Variants in TUSC3 observed in about 807,000 individuals in gnomAD.
TUSC3 encodes dolichyl-diphosphooligosaccharide--protein glycosyltransferase subunit TUSC3.
A neutral mutation model predicts 44.8 loss-of-function variants in TUSC3; 45 were observed. That is an observed-to-expected ratio of 1.00 (90% CI 0.79 to 1.29). TUSC3 has a LOEUF of 1.29. TUSC3 is among the 50% of genes most tolerant of loss of function. The pLI, the probability that TUSC3 is intolerant of heterozygous loss-of-function variation, is 0.00. For synonymous variants in TUSC3, 212 were observed against 152.9 expected, an observed-to-expected ratio of 1.39 and a Z score of -2.85; for missense variants, 519 against 437.9, an observed-to-expected ratio of 1.19 and a Z score of -1.65.
intron 6 of TUSC3, among the ~76,000 whole-genome samples, chr8:15,675,991 T>C (rs1195822362): frequency 6.6e-6 from 1 of 152,136 alleles, no homozygotes; most frequent in East Asian, 1.9e-4. Flanking sequence ...CTATCTTAAG[T>C]TCTTTGAGAC....
At chr8:15,720,186 T>C (rs953154454) in intron 6 of TUSC3, among the ~76,000 whole-genome samples, 2 of 123,964 alleles carry the variant, frequency 1.6e-5, no homozygotes, top group East Asian at 2.5e-4. Flanking sequence ...TTGTTAAATA[T>C]AGTGTATATA....
At chr8:15,615,768 A>G (rs1220048671) in intron 1 of TUSC3, among the ~76,000 whole-genome samples, 2 of 152,204 alleles carry the variant, frequency 1.3e-5, no homozygotes, top group Non-Finnish European at 2.9e-5. Flanking sequence ...CTGAAAAGGA[A>G]AAAAGAAAAT....
chr8:15,487,430 C>T (rs147529554), intron 2 of TUSC3, among the ~76,000 whole-genome samples: 29 of 152,290 alleles, frequency 1.9e-4, no homozygotes, highest in African/African-American at 6.7e-4. Context: ...ATTCCGTAGC[C>T]ACAGTCACTG....
At chr8:15,595,210 A>G (rs1404377764) in intron 1 of TUSC3, among the ~76,000 whole-genome samples, 3 of 152,192 alleles carry the variant, frequency 2.0e-5, no homozygotes, top group Non-Finnish European at 4.4e-5. Context: ...ACTTTCAGAT[A>G]GATACTTTTC....
intron 3 of TUSC3, among the ~76,000 whole-genome samples, chr8:15,652,697 A>G (rs1347115249): frequency 6.6e-6 from 1 of 152,184 alleles, no homozygotes; most frequent in East Asian, 1.9e-4. Flanking sequence ...TCTCTATAGA[A>G]TCTCAGGATA....
intron 2 of TUSC3, among the ~76,000 whole-genome samples, chr8:15,638,519 T>A (rs983177893): frequency 5.4e-5 from 1 of 18,480 alleles, no homozygotes; most frequent in Non-Finnish European, 1.0e-4. Context: ...TTTTTTCTTT[T>A]TTTTTTTTTT....
In TUSC3 at chr8:15,550,109, A is replaced by C. The variant is rs143129493; in HGVS notation, c.138+9541A>C. 3.4e-3 allele frequency among the ~76,000 whole-genome samples: 518 copies of C among 151,864 alleles called. 24 individuals are homozygous for C. In the East Asian group the frequency reaches 0.037, roughly 11 times the overall value. ...AACAGAACAGGACAGGGATTTTCAC[A>C]ATGCTTTTCCATACAATGTCTGTAA... On this transcript the variant is annotated intron_variant, in intron 1 of 10. Coordinates refer to ENST00000503731, the MANE Select transcript of TUSC3 (RefSeq NM_006765.4).
upstream of TUSC3, among the ~76,000 whole-genome samples, chr8:15,536,424 G>A (rs1178468759): frequency 6.6e-6 from 1 of 152,080 alleles, no homozygotes; most frequent in Admixed American, 6.6e-5. Context: ...GCTCACGCCT[G>A]TAATCCCAGC....
At chr8:15,444,895 G>T (rs1447823717) in intron 1 of TUSC3, among the ~76,000 whole-genome samples, 1 of 152,056 alleles carries the variant, frequency 6.6e-6, no homozygotes, top group Admixed American at 6.6e-5. Flanking sequence ...TCAAAGTCCC[G>T]GCAAACTCCT....
chr8:15,768,568 A>T (rs888071766), downstream of TUSC3, among the ~76,000 whole-genome samples: 1 of 152,204 alleles, frequency 6.6e-6, no homozygotes, highest in Non-Finnish European at 1.5e-5. Context: ...AACTAAAGGA[A>T]ACAGAGAATG....
chr8:15,527,770 A>G (rs1335108271), intron 2 of TUSC3, among the ~76,000 whole-genome samples: 2 of 152,208 alleles, frequency 1.3e-5, no homozygotes, highest in African/African-American at 4.8e-5. Context: ...ACAGTAACTA[A>G]GCACTAGTTA....
intron 1 of TUSC3, among the ~76,000 whole-genome samples, chr8:15,569,613 T>G (rs144126570): frequency 5.6e-4 from 86 of 152,290 alleles, no homozygotes; most frequent in African/African-American, 2.0e-3. Flanking sequence ...AAAGTGCAAT[T>G]AATAATTTTG....
At chr8:15,423,597 T>C (rs1432077500) in intron 1 of TUSC3, among the ~76,000 whole-genome samples, 4 of 152,228 alleles carry the variant, frequency 2.6e-5, no homozygotes. Flanking sequence ...TCGATTTTTC[T>C]AGTTGTCCTT....
chr8:15,653,662 G>A (rs1408136471), intron 3 of TUSC3, among the ~76,000 whole-genome samples: 9 of 152,152 alleles, frequency 5.9e-5, no homozygotes, highest in Non-Finnish European at 1.5e-5. Context: ...TTAAAATGCA[G>A]AAATGTGTAA....
At chr8:15,564,684 G>A (rs886207666) in intron 1 of TUSC3, among the ~76,000 whole-genome samples, 2 of 152,096 alleles carry the variant, frequency 1.3e-5, no homozygotes, top group African/African-American at 4.8e-5. Context: ...ATTTCCCAGT[G>A]TCCCATGTTT....
chr8:15,554,495 TTTTA>T (rs1443372334), intron 1 of TUSC3, among the ~76,000 whole-genome samples: 2 of 151,700 alleles, frequency 1.3e-5, no homozygotes, highest in Non-Finnish European at 2.9e-5. Flanking sequence ...AGAAATGTAC[TTTTA>T]TTTATTTATT....
At chr8:15,555,941 A>G (rs1241771043) in intron 1 of TUSC3, among the ~76,000 whole-genome samples, 1 of 151,614 alleles carries the variant, frequency 6.6e-6, no homozygotes, top group Non-Finnish European at 1.5e-5. Flanking sequence ...CTTTCTGGAT[A>G]TAAATGATCA....
At chr8:15,790,179 C>T in the TUSC3 span, among the ~76,000 whole-genome samples, 11 of 72,256 alleles carry the variant, frequency 1.5e-4, no homozygotes, top group East Asian at 2.3e-3. Flanking sequence ...TTGTTAAGGC[C>T]TTTTTTTTTT....
At chr8:15,811,442 G>A in the TUSC3 span, among the ~76,000 whole-genome samples, 2 of 152,154 alleles carry the variant, frequency 1.3e-5, no homozygotes, top group Non-Finnish European at 2.9e-5. Flanking sequence ...TCAAGCCCGG[G>A]GGTAGTTGCC....
Sources: allele counts gnomAD v4.1 joint callset (sites outside exome capture counted in the v4.1 genomes callset), GRCh38; gene constraint gnomAD v4.1.1; transcripts MANE v1.5; gene names NCBI Gene and HGNC (gene_info 2026-07-23, HGNC 2026-07-21).